The following GABRB3 variants were observed in gnomAD, a reference collection of about 807,000 sequenced individuals.
The protein encoded by GABRB3 is gamma-aminobutyric acid type A receptor subunit beta3, also known as gamma-aminobutyric acid receptor subunit beta-3.
GABRB3 carries 14 observed loss-of-function variants against 52.1 expected under a neutral mutation model. That is an observed-to-expected ratio of 0.27 (90% CI 0.18 to 0.42). The LOEUF (loss-of-function observed/expected upper bound fraction) is 0.42, where lower values mean the gene tolerates loss of function less well. GABRB3 is among the 10% of genes least tolerant of loss of function. GABRB3 has a pLI of 1.00. For synonymous variants in GABRB3, 260 were observed against 232.3 expected, an observed-to-expected ratio of 1.12 and a Z score of -1.08; for missense variants, 307 against 609.1, an observed-to-expected ratio of 0.50 and a Z score of 5.22.
At chr15:26,596,523 T>C (rs1381652300) in intron 4 of GABRB3, among the ~76,000 whole-genome samples, 1 of 152,108 alleles carries the variant, frequency 6.6e-6, no homozygotes, top group African/African-American at 2.4e-5. Flanking sequence ...TAGCATGCAT[T>C]TATAAAACAT....
intron 3 of GABRB3, among the ~76,000 whole-genome samples, chr15:26,752,071 A>T (rs1890525829): frequency 6.6e-6 from 1 of 152,076 alleles, no homozygotes; most frequent in Non-Finnish European, 1.5e-5. Flanking sequence ...TTTAACTAGC[A>T]CACCAAGAGC....
chr15:26,668,536 T>TA (rs1566797980), intron 3 of GABRB3, among the ~76,000 whole-genome samples: 2 of 137,790 alleles, frequency 1.5e-5, no homozygotes, highest in Non-Finnish European at 3.3e-5. Context: ...GTCATTTATG[T>TA]GTTTTTTTCT....
chr15:26,654,044 G>A (rs1887284623), intron 3 of GABRB3, among the ~76,000 whole-genome samples: 1 of 152,148 alleles, frequency 6.6e-6, no homozygotes, highest in African/African-American at 2.4e-5. Flanking sequence ...ACCATTATGA[G>A]GTCCGCAATA....
At chr15:26,641,423 G>A (rs1893198185) in intron 3 of GABRB3, among the ~76,000 whole-genome samples, 1 of 152,228 alleles carries the variant, frequency 6.6e-6, no homozygotes, top group Non-Finnish European at 1.5e-5. Flanking sequence ...GCAAGACACT[G>A]AAGGGAGAGG....
intron 3 of GABRB3, among the ~76,000 whole-genome samples, chr15:26,668,512 C>A (rs1333217626): frequency 6.6e-6 from 1 of 151,196 alleles, no homozygotes; most frequent in Non-Finnish European, 1.5e-5. Flanking sequence ...TACAGTTTTC[C>A]CTTTACCTTG....
At chr15:26,672,512 T>C (rs1887929996) in intron 3 of GABRB3, among the ~76,000 whole-genome samples, 1 of 152,198 alleles carries the variant, frequency 6.6e-6, no homozygotes, top group Non-Finnish European at 1.5e-5. Flanking sequence ...CCTTTGCGTA[T>C]TCACTTCTTT....
chr15:26,698,815 G>A (rs756452654), intron 3 of GABRB3, among the ~76,000 whole-genome samples: 11 of 152,086 alleles, frequency 7.2e-5, no homozygotes, highest in Non-Finnish European at 1.3e-4. Flanking sequence ...AACTTCATCT[G>A]TTAAAATGTT....
intron 3 of GABRB3, among the ~76,000 whole-genome samples, chr15:26,702,991 G>A (rs938388369): frequency 6.6e-6 from 1 of 152,040 alleles, no homozygotes; most frequent in South Asian, 2.1e-4. Context: ...GTTCATAAAT[G>A]GCCTTTTTGC....
intron 4 of GABRB3, among the ~76,000 whole-genome samples, chr15:26,586,391 A>AC (rs1297574757): frequency 3.1e-4 from 5 of 15,922 alleles, no homozygotes; most frequent in African/African-American, 1.2e-3. Flanking sequence ...TTTTCAAACC[A>AC]CCCCTAACAC....
chr15:26,554,161 G>T (rs1225476435), intron 8 of GABRB3, among the ~76,000 whole-genome samples: 2 of 21,264 alleles, frequency 9.4e-5, no homozygotes, highest in Admixed American at 1.0e-3. Flanking sequence ...TATATATAAA[G>T]TATATATATA....
At chr15:26,726,109 G>A (rs1223697159) in intron 3 of GABRB3, among the ~76,000 whole-genome samples, 2 of 123,410 alleles carry the variant, frequency 1.6e-5, no homozygotes, top group African/African-American at 3.1e-5. Context: ...AGCTGGGAGG[G>A]TCGTTTTTTC....
chr15:26,560,763 G>GT, intron 8 of GABRB3, among the ~76,000 whole-genome samples, 169 bp downstream of exon 8: 1 of 152,202 alleles, frequency 6.6e-6, no homozygotes. Flanking sequence ...AGCAACCCCT[G>GT]AATAAAAAAC....
intron 3 of GABRB3, among the ~76,000 whole-genome samples, chr15:26,749,772 T>C (rs2140170257): frequency 6.6e-6 from 1 of 152,300 alleles, no homozygotes; most frequent in East Asian, 1.9e-4. Context: ...TGTTTGTTTG[T>C]TTGTGTGTCT....
intron 3 of GABRB3, among the ~76,000 whole-genome samples, chr15:26,703,700 T>G (rs185825944): frequency 6.6e-5 from 10 of 152,258 alleles, no homozygotes; most frequent in Non-Finnish European, 1.5e-4. Context: ...GGGCCAGGCA[T>G]AGGATAGTGC....
At chr15:26,654,572 T>C (rs775477581) in intron 3 of GABRB3, among the ~76,000 whole-genome samples, 2 of 152,084 alleles carry the variant, frequency 1.3e-5, no homozygotes, top group Non-Finnish European at 2.9e-5. Context: ...CTGAGCAACA[T>C]AGTGAGACCC....
At position 26,547,909 on chromosome 15, in the gene GABRB3, T is replaced by G; in HGVS notation, c.1306A>C (p.Lys436Gln). The G allele has an allele frequency of 6.2e-7, 1 of 1,614,216 alleles. No homozygotes were observed. Among genetic ancestry groups the G allele is most frequent in the Non-Finnish European group, 8.5e-7 (1 of 1,180,048 alleles). ...THLRRRSSQL[K>Q]IKIPDLTDVN... is the part of the protein sequence containing the mutation. ...TCGGTTAGATCAGGTATTTTAATTT[T>G]GAGCTGTGAAGACCTCCTCCGTAGA... Residue 436 changes from lysine (K) to glutamine (Q), a missense_variant, in exon 9 of 9, where the codon AAA (lysine) becomes CAA (glutamine). Lys to Gln is a moderately conservative substitution (Grantham distance 53, BLOSUM62 1). Transcript: ENST00000311550.
intron 8 of GABRB3, among the ~76,000 whole-genome samples, chr15:26,556,021 A>T (rs149068436): frequency 6.6e-6 from 1 of 152,322 alleles, no homozygotes; most frequent in African/African-American, 2.4e-5. Flanking sequence ...TCTAGAGTTT[A>T]CGTCTTAAAG....
At chr15:26,564,330 T>C (rs1039072634) in intron 7 of GABRB3, among the ~76,000 whole-genome samples, 2 of 152,102 alleles carry the variant, frequency 1.3e-5, no homozygotes, top group Admixed American at 6.5e-5. Context: ...ACTTTAAAGT[T>C]TGGTGGTCGT....
chr15:26,768,156 A>C, intron 3 of GABRB3, among the ~76,000 whole-genome samples: 1 of 152,218 alleles, frequency 6.6e-6, no homozygotes, highest in East Asian at 1.9e-4. Context: ...AATTTTTAAA[A>C]ACAAAAAACA....
Sources: gnomAD v4.1 joint callset for allele counts (sites outside exome capture counted in the v4.1 genomes callset) on GRCh38, gnomAD v4.1.1 for gene constraint, MANE v1.5 for transcripts, NCBI Gene and HGNC (gene_info 2026-07-23, HGNC 2026-07-21) for gene names.